CYP19A1: variants seen among roughly 807,000 people sequenced by gnomAD.
CYP19A1 encodes cytochrome P450 family 19 subfamily A member 1, also known as aromatase.
In CYP19A1, 32 loss-of-function variants were observed where a neutral mutation model predicts 44.4. The observed-to-expected ratio is 0.72, with a 90% CI of 0.54 to 0.97. The LOEUF (loss-of-function observed/expected upper bound fraction) is 0.97. CYP19A1 is among the 50% of genes least tolerant of loss of function. CYP19A1 has a pLI of 0.00. For missense variants in CYP19A1, 598 were observed against 637.8 expected, an observed-to-expected ratio of 0.94 and a Z score of 0.67; for synonymous variants, 212 against 215.6, an observed-to-expected ratio of 0.98 and a Z score of 0.14.
At chr15:51,218,505 T>C (rs1143704) in intron 6 of CYP19A1, 36 bp downstream of exon 6, 13 of 1,589,742 alleles carry the variant, frequency 8.2e-6, no homozygotes, top group South Asian at 4.6e-5. Context: ...ACCAATCCAA[T>C]TGTACTCATA....
intron 5 of CYP19A1, among the ~76,000 whole-genome samples, 161 bp from the exon 6 acceptor site, chr15:51,218,816 G>T (rs1399899215): frequency 6.6e-6 from 1 of 152,210 alleles, no homozygotes; most frequent in African/African-American, 2.4e-5. Context: ...TTTTAGCCAC[G>T]TGAATACCAC....
chr15:51,290,406 G>A (rs552566648), intron 1 of CYP19A1, among the ~76,000 whole-genome samples: 1 of 152,298 alleles, frequency 6.6e-6, no homozygotes, highest in African/African-American at 2.4e-5. Context: ...ATAACAGTAA[G>A]AGCCCTTTTT....
chr15:51,266,115 G>A (rs1454536602), intron 1 of CYP19A1, among the ~76,000 whole-genome samples: 1 of 152,204 alleles, frequency 6.6e-6, no homozygotes, highest in Admixed American at 6.5e-5. Context: ...GAAAGATTTT[G>A]CTCTCACCTC....
At chr15:51,316,715 T>TA (rs112693981) in intron 1 of CYP19A1, among the ~76,000 whole-genome samples, 7,132 of 140,134 alleles carry the variant, frequency 0.051, 549 homozygotes, top group African/African-American at 0.17. Context: ...CTCTGTCTCT[T>TA]AAAAAAAAAA....
At chr15:51,260,087 C>T (rs1434014523) in intron 1 of CYP19A1, among the ~76,000 whole-genome samples, 1 of 152,192 alleles carries the variant, frequency 6.6e-6, no homozygotes, top group African/African-American at 2.4e-5. Flanking sequence ...CAGTGAAGGG[C>T]AACAGGAATC....
At chr15:51,335,151 T>G (rs1026621236) in intron 1 of CYP19A1, among the ~76,000 whole-genome samples, 1 of 137,214 alleles carries the variant, frequency 7.3e-6, no homozygotes, top group Non-Finnish European at 1.5e-5. Flanking sequence ...TACACTACAC[T>G]AGAAAGGTGG....
At chr15:51,282,385 G>C (rs1199753226) in intron 1 of CYP19A1, among the ~76,000 whole-genome samples, 1 of 152,122 alleles carries the variant, frequency 6.6e-6, no homozygotes, top group Non-Finnish European at 1.5e-5. Flanking sequence ...AGCTTAAACT[G>C]GAAGAACATG....
chr15:51,247,942 T>C (rs1361950246), intron 1 of CYP19A1, among the ~76,000 whole-genome samples: 2 of 152,156 alleles, frequency 1.3e-5, no homozygotes, highest in African/African-American at 2.4e-5. Context: ...TTAATTTTTA[T>C]AATGGGCCTT....
At chr15:51,300,809 T>C (rs925941365) in intron 1 of CYP19A1, among the ~76,000 whole-genome samples, 1 of 152,172 alleles carries the variant, frequency 6.6e-6, no homozygotes, top group Non-Finnish European at 1.5e-5. Context: ...AACTATTTAG[T>C]TTAAAAATAT....
chr15:51,321,158 C>G (rs2036521022), intron 1 of CYP19A1: 1 of 152,802 alleles, frequency 6.5e-6, no homozygotes, highest in Admixed American at 6.5e-5. Flanking sequence ...TTGAACTTCC[C>G]AACCACCCTG....
chr15:51,237,987 C>A (rs1452114401), intron 2 of CYP19A1, among the ~76,000 whole-genome samples: 2 of 152,206 alleles, frequency 1.3e-5, no homozygotes, highest in African/African-American at 4.8e-5. Flanking sequence ...AGCATTCTCA[C>A]CTTACGGGCA....
intron 1 of CYP19A1, among the ~76,000 whole-genome samples, chr15:51,253,663 G>A (rs12908960): frequency 0.35 from 52,525 of 151,988 alleles, 10,799 homozygotes; most frequent in Non-Finnish European, 0.46. Flanking sequence ...ATATCCAGGG[G>A]CTAATCCTTC....
At chr15:51,295,681 G>C (rs1378424995) in intron 1 of CYP19A1, among the ~76,000 whole-genome samples, 1 of 152,190 alleles carries the variant, frequency 6.6e-6, no homozygotes, top group Non-Finnish European at 1.5e-5. Context: ...AACTCAGAAA[G>C]ACAGATGTGG....
intron 1 of CYP19A1, among the ~76,000 whole-genome samples, chr15:51,325,994 G>T (rs1254466286): frequency 6.6e-6 from 1 of 152,086 alleles, no homozygotes; most frequent in East Asian, 1.9e-4. Flanking sequence ...GTGTTGAATA[G>T]CTCTTGTTAT....
intron 3 of CYP19A1, among the ~76,000 whole-genome samples, chr15:51,235,688 G>A (rs949091378): frequency 3.9e-5 from 6 of 152,140 alleles, no homozygotes; most frequent in Non-Finnish European, 8.8e-5. Flanking sequence ...AAATATTTGG[G>A]CTTTGAGGAT....
intron 1 of CYP19A1, among the ~76,000 whole-genome samples, chr15:51,309,205 C>A (rs536605322): frequency 2.6e-5 from 4 of 152,178 alleles, no homozygotes; most frequent in Admixed American, 2.6e-4. Flanking sequence ...AGGTACCAGA[C>A]GGCTTTTTAG....
chr15:51,284,262 A>C (rs909129110), intron 1 of CYP19A1, among the ~76,000 whole-genome samples: 1 of 152,214 alleles, frequency 6.6e-6, no homozygotes, highest in South Asian at 2.1e-4. Flanking sequence ...ACCTATTTGC[A>C]TAGTGACTAT....
At chr15:51,300,711 C>G (rs1713609238) in intron 1 of CYP19A1, among the ~76,000 whole-genome samples, 1 of 152,198 alleles carries the variant, frequency 6.6e-6, no homozygotes, top group South Asian at 2.1e-4. Flanking sequence ...GCCTTTCCCT[C>G]CTACAGCAAA....
At chr15:51,277,319 T>C (rs2035349639) in intron 1 of CYP19A1, 1 of 152,212 alleles carries the variant, frequency 6.6e-6, no homozygotes, top group Non-Finnish European at 1.5e-5. Context: ...GGAGTACAGA[T>C]GAAGTAACAA....
Sources: allele counts gnomAD v4.1 joint callset (sites outside exome capture counted in the v4.1 genomes callset), GRCh38; gene constraint gnomAD v4.1.1; transcripts MANE v1.5; gene names NCBI Gene and HGNC (gene_info 2026-07-23, HGNC 2026-07-21).